The following SASH1 variants were observed in gnomAD, a reference collection of about 807,000 sequenced individuals.
SASH1 encodes SAM and SH3 domain containing 1, also known as SAM and SH3 domain-containing protein 1.
A neutral mutation model predicts 125.2 loss-of-function variants in SASH1; 44 were observed. The ratio of observed to expected loss-of-function variants is 0.35; its 90% CI spans 0.28 to 0.45. The LOEUF (loss-of-function observed/expected upper bound fraction) is 0.45, where lower values mean the gene tolerates loss of function less well. Ranked by LOEUF, SASH1 falls within the 20% of genes least tolerant of loss-of-function variation. SASH1 has a pLI of 1.00. For missense variants in SASH1, 1,426 were observed against 1,614.5 expected, an observed-to-expected ratio of 0.88 and a Z score of 2.00; for synonymous variants, 639 against 649.1, an observed-to-expected ratio of 0.98 and a Z score of 0.24.
chr6:148,202,781 CTG>C, the SASH1 span, among the ~76,000 whole-genome samples: 1 of 152,242 alleles, frequency 6.6e-6, no homozygotes, highest in African/African-American at 2.4e-5. Context: ...TGGCGAAATT[CTG>C]TCTCTACTAA....
chr6:148,252,364 T>A, the SASH1 span, among the ~76,000 whole-genome samples: 1 of 152,212 alleles, frequency 6.6e-6, no homozygotes. Flanking sequence ...TTGCCATTTT[T>A]TTAGGATGTG....
chr6:148,503,915 G>A (rs961299184), intron 8 of SASH1, among the ~76,000 whole-genome samples: 3 of 152,130 alleles, frequency 2.0e-5, no homozygotes, highest in Admixed American at 6.6e-5. Flanking sequence ...TTACTACTTT[G>A]TGCATTTTTG....
At chr6:148,379,771 C>T (rs368638326) in intron 1 of SASH1, 15 of 374,924 alleles carry the variant, frequency 4.0e-5, no homozygotes, top group African/African-American at 3.2e-4. Context: ...TAACAACAAA[C>T]ACGTAAACAA....
chr6:148,489,493 A>G (rs1425165798), intron 8 of SASH1, among the ~76,000 whole-genome samples: 8 of 152,322 alleles, frequency 5.3e-5, no homozygotes, highest in Admixed American at 4.6e-4. Flanking sequence ...GAGTTTTTCT[A>G]TTTTTGAAAA....
intron 2 of SASH1, among the ~76,000 whole-genome samples, chr6:148,411,220 T>C (rs898792880): frequency 6.7e-6 from 1 of 150,048 alleles, no homozygotes; most frequent in Non-Finnish European, 1.5e-5. Flanking sequence ...TGTATTTTTG[T>C]ATTTTTGTTT....
At chr6:148,546,884 T>TAA (rs576383889) in intron 19 of SASH1, among the ~76,000 whole-genome samples, 3 of 145,956 alleles carry the variant, frequency 2.1e-5, no homozygotes, top group African/African-American at 5.0e-5. Context: ...CCCTGTTACT[T>TAA]AAAAAAAAAA....
rs770015519 is a variant in SASH1, at chr6:148,540,532, G to A, written c.2185G>A (p.Glu729Lys). 4.3e-6 allele frequency: 7 copies of A among 1,613,726 alleles called. No homozygotes were observed. Among genetic ancestry groups the A allele is most frequent in the East Asian group, 2.2e-5 (1 of 44,880 alleles). Residue 729 changes from glutamate to lysine, a missense_variant, in exon 17 of 20, where the codon GAA becomes AAA. By Grantham distance (56) the Glu-to-Lys change is moderately conservative. Around this residue, in one of 3 missense-constraint regions of SASH1, gnomAD observed 634 missense variants for 694.4 expected, o/e 0.91. Transcript: ENST00000367467. ...CTCACCCCGAGACTCAGGATGCTAC[G>A]AAAGCAGTGAGAACCTGGAAAACGG... is the stretch of plus-strand genomic sequence containing the variant. ...GCSPRDSGCY[E>K]SSENLENGKT...
chr6:148,414,546 G>A (rs1306625672), intron 2 of SASH1, among the ~76,000 whole-genome samples: 1 of 152,152 alleles, frequency 6.6e-6, no homozygotes, highest in Non-Finnish European at 1.5e-5. Flanking sequence ...ATATTAAAAA[G>A]TTTATCCAAC....
At chr6:148,290,760 G>A (rs112428915) in intron 1 of SASH1, among the ~76,000 whole-genome samples, 6,702 of 139,804 alleles carry the variant, frequency 0.048, 281 homozygotes, top group East Asian at 0.18. Flanking sequence ...CCCTCTGCCT[G>A]GGAAAACCAG....
rs1268102343 is a variant in SASH1, at chr6:148,533,506, C to T, written c.1735-265C>T. Among the ~76,000 whole-genome samples the T allele has an allele frequency of 2.0e-5, 3 of 152,116 alleles. No individual in the cohort carries two copies. The highest frequency in any genetic ancestry group is 7.2e-5 in the African/African-American group (3 of 41,442). On this transcript the variant is annotated intron_variant, in intron 14 of 19. Transcript: ENST00000367467. This position sits in a 1 kb window ranked among gnomAD's most constrained non-coding sequence, Gnocchi z 6.2. ...CTGAGAGCACCAGGGGTACCCCAGG[C>T]ACCCCTGGTTCTGCAGGGCAGGAGG...
intron 1 of SASH1, among the ~76,000 whole-genome samples, chr6:148,272,999 C>G (rs1334869211): frequency 6.6e-6 from 1 of 152,034 alleles, no homozygotes; most frequent in African/African-American, 2.4e-5. Flanking sequence ...GGGGCTCATG[C>G]CTATAATCCC....
chr6:148,513,357 G>A, intron 8 of SASH1: 1 of 985,472 alleles, frequency 1.0e-6, no homozygotes, highest in Non-Finnish European at 1.2e-6. Context: ...TGCCGAGGCG[G>A]CTGCTCCCAG....
chr6:148,425,541 T>C (rs1181692379), intron 2 of SASH1, among the ~76,000 whole-genome samples: 1 of 152,170 alleles, frequency 6.6e-6, no homozygotes, highest in East Asian at 1.9e-4. Flanking sequence ...CTTTCAAGCA[T>C]ATAGACAGTT....
chr6:148,223,365 A>G, the SASH1 span, among the ~76,000 whole-genome samples: 199 of 152,360 alleles, frequency 1.3e-3, 3 homozygotes, highest in East Asian at 0.033. Context: ...GTAAATAAAA[A>G]TTTCACATTT....
intron 1 of SASH1, among the ~76,000 whole-genome samples, chr6:148,275,332 C>A (rs554623598): frequency 1.3e-5 from 2 of 152,276 alleles, no homozygotes; most frequent in East Asian, 3.9e-4. Context: ...ATTCTAGGTG[C>A]TTTGTCTCCT....
intron 1 of SASH1, among the ~76,000 whole-genome samples, chr6:148,329,146 C>G (rs1780918582): frequency 6.6e-6 from 1 of 152,138 alleles, no homozygotes; most frequent in Non-Finnish European, 1.5e-5. Context: ...TGTTAAGTGT[C>G]TCTTTGCTAT....
chr6:148,383,341 A>G (rs1200801385), intron 1 of SASH1, among the ~76,000 whole-genome samples: 2 of 152,206 alleles, frequency 1.3e-5, no homozygotes, highest in African/African-American at 4.8e-5. Context: ...GAGGGGATGT[A>G]TATATCTCCA....
At chr6:148,423,800 G>T (rs1775682060) in intron 2 of SASH1, among the ~76,000 whole-genome samples, 1 of 152,122 alleles carries the variant, frequency 6.6e-6, no homozygotes, top group African/African-American at 2.4e-5. Context: ...ATAAATGTTT[G>T]TTCAGTTGTA....
intron 1 of SASH1, among the ~76,000 whole-genome samples, chr6:148,329,855 C>CT (rs141056302): frequency 4.6e-4 from 70 of 151,054 alleles, no homozygotes; most frequent in Middle Eastern, 3.4e-3. Flanking sequence ...AGTTTTCTTT[C>CT]TTTTTTTTTC....
Sources: gnomAD v4.1 joint callset for allele counts (sites outside exome capture counted in the v4.1 genomes callset) on GRCh38, gnomAD v4.1.1 for gene constraint, gnomAD v4.1.1 regional missense constraint, Gnocchi (gnomAD v3.1) non-coding constraint, MANE v1.5 for transcripts, NCBI Gene and HGNC (gene_info 2026-07-23, HGNC 2026-07-21) for gene names.